Variants in SLC44A5 observed in about 807,000 individuals in gnomAD.
SLC44A5 encodes the protein solute carrier family 44 member 5.
Under a neutral mutation model 101.8 loss-of-function variants are expected in SLC44A5, and 57 were observed. That is an observed-to-expected ratio of 0.56 (90% CI 0.45 to 0.70). The LOEUF is 0.70. Among genes scored for constraint, SLC44A5 ranks in the 30% least tolerant of loss-of-function variants. The pLI is 0.00. For missense variants in SLC44A5, 737 were observed against 853.1 expected, an observed-to-expected ratio of 0.86 and a Z score of 1.70; for synonymous variants, 281 against 290.9, an observed-to-expected ratio of 0.97 and a Z score of 0.35.
chr1:75,452,192 G>A (rs192960063), intron 2 of SLC44A5, among the ~76,000 whole-genome samples: 9 of 152,208 alleles, frequency 5.9e-5, no homozygotes, highest in South Asian at 4.1e-4. Flanking sequence ...TCAGTCTAAC[G>A]GTGGACTTTT....
chr1:75,579,154 C>T (rs891252015), intron 1 of SLC44A5, among the ~76,000 whole-genome samples: 1 of 152,074 alleles, frequency 6.6e-6, no homozygotes, highest in Non-Finnish European at 1.5e-5. Context: ...GAACTATGAC[C>T]ATTAATTAAA....
chr1:75,478,486 T>G (rs990422662), intron 2 of SLC44A5, among the ~76,000 whole-genome samples: 24 of 152,144 alleles, frequency 1.6e-4, no homozygotes, highest in South Asian at 2.1e-4. Flanking sequence ...GACCCATCAG[T>G]GTGCTGTATT....
chr1:75,532,451 A>C (rs549697875), intron 2 of SLC44A5, among the ~76,000 whole-genome samples: 64 of 152,256 alleles, frequency 4.2e-4, no homozygotes, highest in African/African-American at 1.5e-3. Flanking sequence ...GATGCCTGGC[A>C]TGTGGTGCTT....
At chr1:75,700,309 T>G in the SLC44A5 span, among the ~76,000 whole-genome samples, 2 of 152,150 alleles carry the variant, frequency 1.3e-5, no homozygotes, top group African/African-American at 4.8e-5. Flanking sequence ...AAACTGTCTC[T>G]CAGACCACAG....
intron 1 of SLC44A5, among the ~76,000 whole-genome samples, chr1:75,593,336 C>G (rs1290708818): frequency 6.6e-6 from 1 of 152,016 alleles, no homozygotes; most frequent in Non-Finnish European, 1.5e-5. Flanking sequence ...CAGGCAATAA[C>G]AAATGTTGGC....
chr1:75,675,297 T>C, the SLC44A5 span, among the ~76,000 whole-genome samples: 3 of 152,280 alleles, frequency 2.0e-5, no homozygotes, highest in Admixed American at 6.5e-5. Flanking sequence ...TTAGCAGTGG[T>C]TCATAGTTCT....
At chr1:75,242,760 A>G (rs1229784629) in intron 8 of SLC44A5, 126 bp downstream of exon 8, 1 of 1,148,322 alleles carries the variant, frequency 8.7e-7, no homozygotes, top group African/African-American at 1.6e-5. Context: ...TTCTGTTTCA[A>G]TGAAATTGTA....
chr1:75,611,451 CACTT>C (rs1675653417), upstream of SLC44A5, among the ~76,000 whole-genome samples: 1 of 152,118 alleles, frequency 6.6e-6, no homozygotes, highest in African/African-American at 2.4e-5. Flanking sequence ...CCCCATATCC[CACTT>C]ACCAACATCT....
the SLC44A5 span, among the ~76,000 whole-genome samples, chr1:75,682,039 A>C: frequency 2.6e-5 from 4 of 152,318 alleles, no homozygotes; most frequent in African/African-American, 7.2e-5. Context: ...TAGGAATCCA[A>C]CTTACAAAGG....
the SLC44A5 span, among the ~76,000 whole-genome samples, chr1:75,664,140 T>C: frequency 0.91 from 137,994 of 152,164 alleles, 62,772 homozygotes; most frequent in Middle Eastern, 0.94. Flanking sequence ...ACAAACTAGA[T>C]ATCAAAAGAA....
chr1:75,576,646 T>C (rs1240511631), intron 1 of SLC44A5, among the ~76,000 whole-genome samples: 1 of 152,146 alleles, frequency 6.6e-6, no homozygotes, highest in African/African-American at 2.4e-5. Context: ...AGAGCCATTT[T>C]AATCTAAGCT....
At chr1:75,611,294 T>A (rs1675645610), upstream of SLC44A5, among the ~76,000 whole-genome samples, 1 of 152,152 alleles carries the variant, frequency 6.6e-6, no homozygotes, top group African/African-American at 2.4e-5. Flanking sequence ...TTTTTCATTG[T>A]TAATCCTTGG....
At chr1:75,384,072 G>C (rs1661114143) in intron 3 of SLC44A5, among the ~76,000 whole-genome samples, 1 of 151,394 alleles carries the variant, frequency 6.6e-6, no homozygotes, top group South Asian at 2.1e-4. Context: ...AACATGGAAA[G>C]GAACTACCGG....
At chr1:75,526,941 C>T (rs1299927777) in intron 2 of SLC44A5, among the ~76,000 whole-genome samples, 2 of 151,954 alleles carry the variant, frequency 1.3e-5, no homozygotes, top group Non-Finnish European at 2.9e-5. Flanking sequence ...CGAGACCAGC[C>T]TGGGCAACAT....
At chr1:75,308,546 C>A (rs1055893123) in intron 4 of SLC44A5, among the ~76,000 whole-genome samples, 1 of 152,126 alleles carries the variant, frequency 6.6e-6, no homozygotes, top group African/African-American at 2.4e-5. Flanking sequence ...TAGGTGGAAA[C>A]CACTCTGCAA....
chr1:75,410,968 G>C (rs1244251074), intron 2 of SLC44A5, among the ~76,000 whole-genome samples: 1 of 152,054 alleles, frequency 6.6e-6, no homozygotes, highest in East Asian at 1.9e-4. Flanking sequence ...CATATCTCTT[G>C]AGGTAGTGAT....
chr1:75,221,774 T>C (rs1351288518), intron 14 of SLC44A5, among the ~76,000 whole-genome samples: 1 of 152,164 alleles, frequency 6.6e-6, no homozygotes, highest in Admixed American at 6.6e-5. Context: ...TCCTAACACA[T>C]ATTTGGTGTT....
At chr1:75,500,261 G>C (rs1039365486) in intron 2 of SLC44A5, among the ~76,000 whole-genome samples, 1 of 152,134 alleles carries the variant, frequency 6.6e-6, no homozygotes, top group African/African-American at 2.4e-5. Flanking sequence ...CATCAAAATG[G>C]ACTACTGCTA....
chr1:75,657,696 T>C, the SLC44A5 span, among the ~76,000 whole-genome samples: 1 of 152,068 alleles, frequency 6.6e-6, no homozygotes, highest in Non-Finnish European at 1.5e-5. Context: ...CATCTAATAA[T>C]TAAGGGGTCA....
Sources: gnomAD v4.1 joint callset for allele counts (sites outside exome capture counted in the v4.1 genomes callset) on GRCh38, gnomAD v4.1.1 for gene constraint, MANE v1.5 for transcripts, NCBI Gene and HGNC (gene_info 2026-07-23, HGNC 2026-07-21) for gene names.